The following STK32B variants were observed in gnomAD, a reference collection of about 807,000 sequenced individuals.
STK32B encodes the protein serine/threonine kinase 32B.
Under a neutral mutation model 52.6 loss-of-function variants are expected in STK32B, and 43 were observed. That is an observed-to-expected ratio of 0.82 (90% CI 0.64 to 1.05). STK32B has a LOEUF of 1.05. STK32B is among the 50% of genes least tolerant of loss of function. The pLI is 0.00. For synonymous variants in STK32B, 238 were observed against 204.3 expected (o/e 1.17, Z -1.41); for missense variants, 621 against 534.6 (o/e 1.16, Z -1.59).
At chr4:5,260,191 C>T (rs1395310422) in intron 3 of STK32B, among the ~76,000 whole-genome samples, 1 of 152,208 alleles carries the variant, frequency 6.6e-6, no homozygotes, top group Non-Finnish European at 1.5e-5. Context: ...AGGGAGAAAG[C>T]TGCCAAATGC....
At chr4:5,211,913 G>C (rs1361745814) in intron 3 of STK32B, among the ~76,000 whole-genome samples, 2 of 152,122 alleles carry the variant, frequency 1.3e-5, no homozygotes, top group African/African-American at 2.4e-5. Flanking sequence ...TTTATAAACT[G>C]CTATTTATTG....
In STK32B at chr4:5,498,961, G is replaced by C. The variant is rs564786429; in HGVS notation, c.1123G>C (p.Gly375Arg). ...FNREKLRRQQGQGSQLLDTDS... is the reference protein window; with the variant it reads ...FNREKLRRQQRQGSQLLDTDS... The stretch of plus-strand genomic sequence containing the variant: ...TGTTTGCAGGCTCAGGAGGCAGCAG[G>C]GACAGGGCAGCCAGCTCTTGGACAC... The change falls in exon 12 of 12, where the codon GGA becomes CGA. Residue 375 changes from glycine to arginine, a missense_variant. Transcript: ENST00000282908. 1 of 1,612,836 alleles carries C rather than the reference G, an allele frequency of 6.2e-7. No homozygotes were observed. Among genetic ancestry groups the C allele is most frequent in the Non-Finnish European group, 8.5e-7 (1 of 1,179,396 alleles).
intron 4 of STK32B, among the ~76,000 whole-genome samples, chr4:5,361,017 C>G (rs66538544): frequency 0.042 from 6,380 of 152,314 alleles, 187 homozygotes; most frequent in Non-Finnish European, 0.065. Context: ...CCATTCTACT[C>G]TGTCTCTATG....
At chr4:5,279,994 A>C (rs1290113238) in intron 3 of STK32B, among the ~76,000 whole-genome samples, 1 of 152,086 alleles carries the variant, frequency 6.6e-6, no homozygotes, top group Admixed American at 6.5e-5. Context: ...GGCTGCTGTG[A>C]AGGTCTCTGA....
chr4:5,345,990 T>C (rs1023794176), intron 4 of STK32B, among the ~76,000 whole-genome samples: 3 of 152,216 alleles, frequency 2.0e-5, no homozygotes, highest in African/African-American at 7.2e-5. Flanking sequence ...CTGATGGGAA[T>C]ATCATTTGTG....
At chr4:5,203,269 C>T (rs1722296594) in intron 3 of STK32B, among the ~76,000 whole-genome samples, 1 of 152,198 alleles carries the variant, frequency 6.6e-6, no homozygotes, top group Admixed American at 6.5e-5. Flanking sequence ...GATGATTTCC[C>T]TCCAGAGGAA....
intron 1 of STK32B, among the ~76,000 whole-genome samples, chr4:5,073,248 G>A (rs10213591): frequency 0.97 from 146,792 of 152,020 alleles, 71,065 homozygotes; most frequent in East Asian, 1. Flanking sequence ...TCCTTTTTGT[G>A]TTTTTTGTTA....
intron 11 of STK32B, among the ~76,000 whole-genome samples, chr4:5,496,551 G>GCTTCTGCTCGCGCACGGTGCGCGT (rs1301550163): frequency 6.8e-6 from 1 of 148,008 alleles, no homozygotes; most frequent in African/African-American, 2.7e-5. Flanking sequence ...GCCTTGCCCT[G>GCTTCTGCTCGCGCACGGTGCGCGT]CACCCACTGT....
the STK32B span, among the ~76,000 whole-genome samples, chr4:5,044,354 A>G: frequency 6.6e-6 from 1 of 152,066 alleles, no homozygotes; most frequent in Non-Finnish European, 1.5e-5. Context: ...CCTCAGACAC[A>G]TCTGCCCAGG....
At chr4:5,200,713 T>C in intron 3 of STK32B, among the ~76,000 whole-genome samples, 1 of 152,192 alleles carries the variant, frequency 6.6e-6, no homozygotes, top group East Asian at 1.9e-4. Flanking sequence ...GACCCAGATG[T>C]AGCTATAGAG....
At chr4:5,412,425 G>A (rs1202373270) in intron 5 of STK32B, among the ~76,000 whole-genome samples, 3 of 152,154 alleles carry the variant, frequency 2.0e-5, no homozygotes, top group Non-Finnish European at 4.4e-5. Context: ...AAGCAGAAGT[G>A]GAATCCTGCT....
intron 3 of STK32B, among the ~76,000 whole-genome samples, chr4:5,312,257 G>GTT (rs144734513): frequency 0.19 from 28,642 of 147,498 alleles, 4,389 homozygotes; most frequent in African/African-American, 0.43. Flanking sequence ...CTTACGTTTA[G>GTT]TTTTTTTTTT....
At chr4:5,215,893 G>C (rs1249695264) in intron 3 of STK32B, among the ~76,000 whole-genome samples, 1 of 152,126 alleles carries the variant, frequency 6.6e-6, no homozygotes, top group Non-Finnish European at 1.5e-5. Flanking sequence ...TCCACAATTA[G>C]GTGCCTGTGG....
At chr4:5,249,440 TA>T (rs1358774643) in intron 3 of STK32B, among the ~76,000 whole-genome samples, 1,286 of 117,476 alleles carry the variant, frequency 0.011, 13 homozygotes, top group African/African-American at 0.02. Flanking sequence ...CCTTCCTACC[TA>T]CCTTCCTTCC....
In STK32B at chr4:5,386,733, C is replaced by T. The variant is rs1024087; in HGVS notation, c.435-11474C>T. Among the ~76,000 whole-genome samples the T allele has an allele frequency of 0.048, 7,290 of 152,276 alleles. 457 individuals are homozygous for T. Among genetic ancestry groups the T allele is most frequent in the Admixed American group, 0.18 (2,759 of 15,306 alleles). ...AAGGAAGTTACTTAACTCATCTAAA[C>T]GTAGGTCCCCTCATCTGGAAAATGA... is the stretch of plus-strand genomic sequence containing the variant. On this transcript the variant is annotated intron_variant, in intron 4 of 11. Coordinates refer to ENST00000282908, the MANE Select transcript of STK32B (RefSeq NM_018401.3). The surrounding 1 kb of genome is among the most constrained non-coding windows in gnomAD (Gnocchi z 4.5).
chr4:5,322,902 A>G (rs1269093966), intron 3 of STK32B, among the ~76,000 whole-genome samples: 1 of 152,118 alleles, frequency 6.6e-6, no homozygotes, highest in Non-Finnish European at 1.5e-5. Flanking sequence ...AGCATGGCTG[A>G]CCTTTAGTTT....
the STK32B span, among the ~76,000 whole-genome samples, chr4:5,021,757 C>A: frequency 6.6e-6 from 1 of 152,176 alleles, no homozygotes; most frequent in African/African-American, 2.4e-5. Context: ...GAGCTCAGAG[C>A]TGCAAAGAGG....
chr4:5,269,360 T>C (rs1727267431), intron 3 of STK32B, among the ~76,000 whole-genome samples: 1 of 152,206 alleles, frequency 6.6e-6, no homozygotes, highest in Non-Finnish European at 1.5e-5. Flanking sequence ...GATTAAGTAT[T>C]ACTCCTGCAG....
intron 3 of STK32B, among the ~76,000 whole-genome samples, chr4:5,171,862 G>A (rs1400254561): frequency 2.6e-5 from 4 of 150,988 alleles, no homozygotes; most frequent in Non-Finnish European, 5.9e-5. Context: ...TTGGTAGCTT[G>A]ATGGGGATGG....
Sources: gnomAD v4.1 joint callset for allele counts (sites outside exome capture counted in the v4.1 genomes callset) on GRCh38, gnomAD v4.1.1 for gene constraint, Gnocchi (gnomAD v3.1) non-coding constraint, MANE v1.5 for transcripts, NCBI Gene and HGNC (gene_info 2026-07-23, HGNC 2026-07-21) for gene names.